The following MAGI2 variants were observed in gnomAD, a reference collection of about 807,000 sequenced individuals.
The protein encoded by MAGI2 is membrane-associated guanylate kinase, WW and PDZ domain-containing protein 2.
In MAGI2, 35 loss-of-function variants were observed where a neutral mutation model predicts 133.3. The observed-to-expected ratio is 0.26, with a 90% CI of 0.20 to 0.35. The LOEUF is 0.35. MAGI2 is among the 10% of genes least tolerant of loss of function. The pLI, the probability that MAGI2 is intolerant of heterozygous loss-of-function variation, is 1.00. For synonymous variants in MAGI2, 729 were observed against 710.6 expected, an observed-to-expected ratio of 1.03 and a Z score of -0.41; for missense variants, 1,636 against 1,863.4, an observed-to-expected ratio of 0.88 and a Z score of 2.25.
chr7:78,106,866 G>A (rs1011489594), intron 20 of MAGI2, among the ~76,000 whole-genome samples: 4 of 152,106 alleles, frequency 2.6e-5, no homozygotes, highest in African/African-American at 7.2e-5. Flanking sequence ...AACTGGATGT[G>A]ATCCCATTTG....
At chr7:78,132,268 C>T (rs143630507) in intron 18 of MAGI2, among the ~76,000 whole-genome samples, 3 of 152,350 alleles carry the variant, frequency 2.0e-5, no homozygotes, top group East Asian at 1.9e-4. Flanking sequence ...GTTCAATGGA[C>T]GTCTGCAGCC....
intron 1 of MAGI2, among the ~76,000 whole-genome samples, chr7:79,090,485 A>C (rs1816949214): frequency 6.6e-6 from 1 of 152,122 alleles, no homozygotes; most frequent in South Asian, 2.1e-4. Context: ...TGACTGATGA[A>C]ACATCCCACA....
chr7:78,523,834 G>A (rs1360836465), intron 3 of MAGI2, among the ~76,000 whole-genome samples: 2 of 152,084 alleles, frequency 1.3e-5, no homozygotes, highest in East Asian at 1.9e-4. Context: ...GAGATTTTTG[G>A]TGGGGACACA....
chr7:78,612,943 C>T (rs914457681), intron 3 of MAGI2, among the ~76,000 whole-genome samples: 46 of 152,154 alleles, frequency 3.0e-4, no homozygotes, highest in Non-Finnish European at 1.2e-4. Context: ...GTGCTGGGAT[C>T]ACAGGCGTGA....
intron 3 of MAGI2, among the ~76,000 whole-genome samples, chr7:78,531,020 G>A (rs918090998): frequency 1.7e-4 from 26 of 152,112 alleles, no homozygotes; most frequent in African/African-American, 6.3e-4. Flanking sequence ...TGAGTAGTAA[G>A]GGCTCCTGGG....
intron 2 of MAGI2, among the ~76,000 whole-genome samples, chr7:78,922,902 G>T (rs1048118188): frequency 6.6e-6 from 1 of 151,452 alleles, no homozygotes; most frequent in Non-Finnish European, 1.5e-5. Flanking sequence ...GTGTGAGATG[G>T]TATCTCATTG....
intron 2 of MAGI2, among the ~76,000 whole-genome samples, chr7:78,887,884 A>G (rs1315998970): frequency 6.6e-6 from 1 of 152,188 alleles, no homozygotes; most frequent in African/African-American, 2.4e-5. Flanking sequence ...GAGTGGGCGC[A>G]GGACAGTGGG....
intron 3 of MAGI2, among the ~76,000 whole-genome samples, chr7:78,573,264 A>ATATATT (rs1801815020): frequency 4.6e-5 from 1 of 21,784 alleles, no homozygotes; most frequent in Non-Finnish European, 7.7e-5. Context: ...ATAAATATAA[A>ATATATT]TATATATAAA....
At chr7:78,111,367 TC>T (rs1180537623) in intron 20 of MAGI2, among the ~76,000 whole-genome samples, 1 of 152,236 alleles carries the variant, frequency 6.6e-6, no homozygotes, top group East Asian at 1.9e-4. Context: ...TGTATTCAAT[TC>T]CTTTCTATGT....
At chr7:79,144,556 T>C (rs994063350) in intron 1 of MAGI2, among the ~76,000 whole-genome samples, 1 of 152,186 alleles carries the variant, frequency 6.6e-6, no homozygotes, top group Non-Finnish European at 1.5e-5. Context: ...TGTGAGTCGA[T>C]TAAACCTCTT....
chr7:79,216,798 T>C (rs1830066051), intron 1 of MAGI2, among the ~76,000 whole-genome samples: 1 of 152,108 alleles, frequency 6.6e-6, no homozygotes, highest in African/African-American at 2.4e-5. Context: ...GGTTGTTGTC[T>C]TCAAATGCAA....
chr7:79,218,072 A>G (rs1830160897), intron 1 of MAGI2, among the ~76,000 whole-genome samples: 1 of 152,034 alleles, frequency 6.6e-6, no homozygotes, highest in Non-Finnish European at 1.5e-5. Context: ...TCTGCAACCA[A>G]TTTAAGAAAA....
At chr7:79,385,019 G>A (rs1209077092) in intron 1 of MAGI2, among the ~76,000 whole-genome samples, 1 of 151,606 alleles carries the variant, frequency 6.6e-6, no homozygotes, top group Non-Finnish European at 1.5e-5. Context: ...TTCCATGGAA[G>A]GTTAAAGAAA....
intron 20 of MAGI2, among the ~76,000 whole-genome samples, chr7:78,097,341 C>G (rs140842691): frequency 8.3e-4 from 126 of 152,186 alleles, no homozygotes; most frequent in African/African-American, 2.8e-3. Context: ...ATAAGTCATC[C>G]TATAATAAAG....
chr7:78,641,329 C>T (rs762167459), intron 2 of MAGI2, among the ~76,000 whole-genome samples: 11 of 152,134 alleles, frequency 7.2e-5, no homozygotes, highest in Non-Finnish European at 1.2e-4. Context: ...TAGAGTTCAG[C>T]AAATTTCTAA....
chr7:79,020,645 A>G (rs1393787957), intron 1 of MAGI2, among the ~76,000 whole-genome samples: 2 of 151,990 alleles, frequency 1.3e-5, no homozygotes, highest in African/African-American at 4.8e-5. Flanking sequence ...GGGCTCCTGT[A>G]GTCCCAGCTA....
intron 10 of MAGI2, among the ~76,000 whole-genome samples, chr7:78,233,771 T>C (rs1163325556): frequency 6.6e-6 from 1 of 152,134 alleles, no homozygotes; most frequent in East Asian, 1.9e-4. Flanking sequence ...GTTCCCTGAG[T>C]GACTAAGAGT....
At position 78,191,968 on chromosome 7, in the gene MAGI2, C is replaced by G. The variant is rs1828254785; in HGVS notation, c.2269+2906G>C. On this transcript the variant is annotated intron_variant, in intron 12 of 21. Transcript: ENST00000354212. The stretch of plus-strand genomic sequence containing the variant: ...TTTGTAGGGGACTGGTGACTTGAAT[C>G]CAAATATTTCTTGACAGCCTTGACA... 5.3e-5 allele frequency among the ~76,000 whole-genome samples: 8 copies of G among 152,114 alleles called. 1 individual carries two copies. In the South Asian group the frequency reaches 1.7e-3, roughly 32 times the overall value.
At chr7:78,184,484 A>G (rs981650870) in intron 13 of MAGI2, 1 of 152,164 alleles carries the variant, frequency 6.6e-6, no homozygotes, top group Admixed American at 6.5e-5. Context: ...ACATGCTGAG[A>G]TGGATAATGA....
Sources: allele counts gnomAD v4.1 joint callset (sites outside exome capture counted in the v4.1 genomes callset), GRCh38; gene constraint gnomAD v4.1.1; transcripts MANE v1.5; gene names NCBI Gene and HGNC (gene_info 2026-07-23, HGNC 2026-07-21).